ENO3: variants seen among roughly 807,000 people sequenced by gnomAD.
ENO3 encodes the protein beta-enolase.
ENO3 carries 46 observed loss-of-function variants against 47.7 expected under a neutral mutation model. The ratio of observed to expected loss-of-function variants is 0.96; its 90% CI spans 0.76 to 1.23. The LOEUF (loss-of-function observed/expected upper bound fraction) is 1.23. Among genes scored for constraint, ENO3 ranks in the 50% most tolerant of loss-of-function variants. The probability of loss-of-function intolerance (pLI) is 0.00; values close to 1 mark genes in which losing one functional copy is unlikely to be tolerated. For missense variants in ENO3, 575 were observed against 566.2 expected (o/e 1.02, Z -0.16); for synonymous variants, 223 against 225.9 (o/e 0.99, Z 0.11).
intron 1 of ENO3, 66 bp downstream of exon 1, chr17:4,951,248 G>A (rs1015382669): frequency 3.0e-6 from 3 of 1,007,886 alleles, no homozygotes; most frequent in Non-Finnish European, 3.6e-6. Context: ...TGGCTTGGAG[G>A]AAGTGGGGGA....
In ENO3 at chr17:4,956,831, A is replaced by T. The variant is rs766674076; in HGVS notation, c.1177A>T (p.Ile393Phe). The T allele has an allele frequency of 9.3e-6, 15 of 1,614,112 alleles. No homozygotes were observed. Among genetic ancestry groups the T allele is most frequent in the Non-Finnish European group, 1.2e-5 (14 of 1,180,038 alleles). The change falls in exon 11 of 12, where the codon ATC becomes TTC. Residue 393 changes from isoleucine to phenylalanine, a missense_variant and splice_region_variant. Ile to Phe is a conservative substitution (Grantham distance 21, BLOSUM62 0). Coordinates refer to ENST00000519602, the MANE Select transcript of ENO3 (RefSeq NM_053013.4). ...DLVVGLCTGQ[I>F]KTGAPCRSER... ...CTCCAAATTCTTCTTCCCTCATCAG[A>T]TCAAGACTGGCGCCCCCTGCCGCTC...
At chr17:4,949,837 C>T (rs1971488988), upstream of ENO3, among the ~76,000 whole-genome samples, 1 of 152,150 alleles carries the variant, frequency 6.6e-6, no homozygotes, top group Non-Finnish European at 1.5e-5. Context: ...GTCCGTGTTC[C>T]TCGACAGCCG....
At chr17:4,951,327 A>C in intron 1 of ENO3, 145 bp downstream of exon 1, 1 of 989,844 alleles carries the variant, frequency 1.0e-6, no homozygotes, top group South Asian at 3.8e-5. Context: ...CGGCTGGAGC[A>C]AGCAGATGGG....
chr17:4,949,230 C>T (rs1971475652), upstream of ENO3: 1 of 152,202 alleles, frequency 6.6e-6, no homozygotes, highest in Admixed American at 6.5e-5. Context: ...CCTCTAGTCG[C>T]TCTCATAGCT....
At chr17:4,955,723 A>T in intron 8 of ENO3, 119 bp downstream of exon 8, 3 of 1,485,180 alleles carry the variant, frequency 2.0e-6, no homozygotes, top group Non-Finnish European at 2.8e-6. Context: ...GCCCCATTAA[A>T]ATCCCCATTT....
Position 4,955,305 on chromosome 17 carries a change from C to T in ENO3, c.667+8C>T, listed in dbSNP as rs1770226456. The T allele has an allele frequency of 1.2e-6, 2 of 1,614,202 alleles. No homozygotes were observed. The highest frequency in any genetic ancestry group is 1.3e-5 in the African/African-American group (1 of 75,058). On this transcript the variant is annotated splice_region_variant and intron_variant, in intron 7 of 11. Transcript: ENST00000519602. ...TCCTGGAGAACAATGAGGGTCAGTG[C>T]TGAGCACCCTGGGGGGCAGACCCCC...
Position 4,953,757 on chromosome 17 carries a change from G to A in ENO3, c.356G>A (p.Cys119Tyr). Residue 119 changes from cysteine (C) to tyrosine (Y), a missense_variant, in exon 6 of 12, where the codon TGT (cysteine) becomes TAT (tyrosine). Coordinates refer to ENST00000519602, the MANE Select transcript of ENO3 (RefSeq NM_053013.4). ...NAILGVSLAVCKAGAAEKGVP... is the reference protein window; with the variant it reads ...NAILGVSLAVYKAGAAEKGVP... The stretch of plus-strand genomic sequence containing the variant: ...ATCCTGGGCGTGTCCTTGGCCGTGT[G>A]TAAGGCGGGAGCAGCTGAGAAGGGG... 1 of 1,614,254 alleles carries A rather than the reference G, an allele frequency of 6.2e-7. No homozygotes were observed. The highest frequency in any genetic ancestry group is 2.2e-5 in the East Asian group (1 of 44,896).
Position 4,951,648 on chromosome 17 carries a change from A to G in ENO3, c.-2-180A>G, listed in dbSNP as rs577449623. 2.0e-5 allele frequency: 13 copies of G among 661,268 alleles called. No homozygotes were observed. The African/African-American group carries it at 2.0e-4, about 10-fold the overall frequency. 41.0% of individuals were successfully genotyped at this position (661,268 alleles called of 1,614,324 possible). A position where few individuals can be genotyped will look rare whatever the true frequency, so the allele number is the denominator to read the frequency against. ...ATTCTTAGGATGGGAGGGTGGAATA[A>G]GAGCTGTTCTGAGTGGGGGAGGGGG... is the stretch of plus-strand genomic sequence containing the variant. On this transcript the variant is annotated intron_variant, in intron 1 of 11. Transcript: ENST00000519602.
At chr17:4,955,829 C>A (rs199572580) in intron 8 of ENO3, 113 bp from the exon 9 acceptor site, 11 of 788,354 alleles carry the variant, frequency 1.4e-5, no homozygotes, top group East Asian at 1.2e-4. Context: ...TGTCTCTGCT[C>A]TGTCTCTGCC....
rs375750458 is a variant in ENO3, at chr17:4,953,850, G to C, written c.444+5G>C. 1.2e-6 allele frequency: 2 copies of C among 1,614,016 alleles called. No homozygotes were observed. The highest frequency in any genetic ancestry group is 8.5e-7 in the Non-Finnish European group (1 of 1,180,034). The stretch of plus-strand genomic sequence containing the variant: ...GACCTCATACTCCCAGTGCCAGTGA[G>C]TGCAGCTACCCGCCCTTCCCAGATC... On this transcript the variant is annotated splice_donor_5th_base_variant and intron_variant, in intron 6 of 11. Coordinates refer to ENST00000519602, the MANE Select transcript of ENO3 (RefSeq NM_053013.4).
chr17:4,951,096 C>T (rs2151138466), upstream of ENO3: 3 of 985,852 alleles, frequency 3.0e-6, no homozygotes, highest in Middle Eastern at 5.2e-4. Flanking sequence ...GGGATAAATG[C>T]GCAGCCTGAG....
At chr17:4,953,215 G>T in intron 4 of ENO3, 57 bp from the exon 5 acceptor site, 1 of 1,613,106 alleles carries the variant, frequency 6.2e-7, no homozygotes, top group Non-Finnish European at 8.5e-7. Flanking sequence ...CCCTGCATGT[G>T]CCCTGACTTC....
chr17:4,954,911 A>AG (rs1459676483), intron 6 of ENO3, among the ~76,000 whole-genome samples, 164 bp from the exon 7 acceptor site: 32 of 151,466 alleles, frequency 2.1e-4, no homozygotes, highest in Admixed American at 3.3e-4. Context: ...AAAAAAAAAA[A>AG]AAAGAAAGAA....
At chr17:4,953,627 G>C in intron 5 of ENO3, 85 bp from the exon 6 acceptor site, 8 of 1,610,840 alleles carry the variant, frequency 5.0e-6, no homozygotes, top group Non-Finnish European at 6.8e-6. Flanking sequence ...ATGCTCAGTG[G>C]TTTGGAGCTC....
intron 8 of ENO3, 157 bp from the exon 9 acceptor site, chr17:4,955,785 G>GTGTCTCTGCCCTGTCTCTGCCT: frequency 8.0e-7 from 1 of 1,257,436 alleles, no homozygotes; most frequent in East Asian, 2.4e-5. Flanking sequence ...ACCTCTAGCC[G>GTGTCTCTGCCCTGTCTCTGCCT]TGTCTCTGCC....
At chr17:4,951,694 T>G in intron 1 of ENO3, 134 bp from the exon 2 acceptor site, 3 of 961,236 alleles carry the variant, frequency 3.1e-6, no homozygotes, top group Non-Finnish European at 5.0e-6. Context: ...CTCTTTGGTC[T>G]GTGACCTTTT....
At position 4,953,301 on chromosome 17, in the gene ENO3, T is replaced by A; in HGVS notation, c.270T>A (p.Val90=). 6.2e-7 allele frequency: 1 copy of A among 1,614,146 alleles called. No individual in the cohort carries two copies. Among genetic ancestry groups the A allele is most frequent in the Non-Finnish European group, 8.5e-7 (1 of 1,180,018 alleles). ...TAAGCGTTGTGGATCAAGAAAAAGT[T>A]GACAAATTTATGATTGAGCTAGATG... The part of the protein sequence containing the change: ...KKLSVVDQEK[V]DKFMIELDGT... Residue 90 remains valine, a synonymous_variant, in exon 5 of 12, where the codon GTT becomes GTA. Transcript: ENST00000519602.
At chr17:4,955,753 C>A in intron 8 of ENO3, 149 bp downstream of exon 8, 5 of 1,345,226 alleles carry the variant, frequency 3.7e-6, no homozygotes, top group Admixed American at 1.7e-5. Context: ...TGCCCTGTCA[C>A]CCCTCCATGA....
At chr17:4,956,282 T>C (rs1018405975) in intron 9 of ENO3, 139 bp downstream of exon 9, 13 of 1,073,290 alleles carry the variant, frequency 1.2e-5, no homozygotes, top group Non-Finnish European at 1.8e-5. Flanking sequence ...ATCTCAAGAC[T>C]TTGTTTGACT....
Sources: gnomAD v4.1 joint callset for allele counts (sites outside exome capture counted in the v4.1 genomes callset) on GRCh38, gnomAD v4.1.1 for gene constraint, MANE v1.5 for transcripts, NCBI Gene and HGNC (gene_info 2026-07-23, HGNC 2026-07-21) for gene names.